SMLR1: variants seen among roughly 807,000 people sequenced by gnomAD.
The protein encoded by SMLR1 is small leucine rich protein 1.
In SMLR1, 3 loss-of-function variants were observed where a neutral mutation model predicts 6.1. The observed-to-expected ratio is 0.49, with a 90% CI of 0.22 to 1.28. SMLR1 has a LOEUF of 1.28. SMLR1 is among the 50% of genes most tolerant of loss of function. The probability of loss-of-function intolerance (pLI) is 0.19; values close to 1 mark genes in which losing one functional copy is unlikely to be tolerated. For synonymous variants in SMLR1, 55 were observed against 53.6 expected (o/e 1.03, Z -0.11); for missense variants, 126 against 124.8 (o/e 1.01, Z -0.05).
chr6:130,829,764 C>T (rs1774384802), intron 1 of SMLR1, among the ~76,000 whole-genome samples: 1 of 152,188 alleles, frequency 6.6e-6, no homozygotes, highest in South Asian at 2.1e-4. Context: ...TGCTACTGAG[C>T]TTTTCTTGAC....
In SMLR1 at chr6:130,835,121, CT is replaced by C; in HGVS notation, c.*167del. 1.6e-6 allele frequency: 1 copy of C among 608,214 alleles called. No homozygotes were observed. Among genetic ancestry groups the C allele is most frequent in the Non-Finnish European group, 2.9e-6 (1 of 347,166 alleles). The allele number at this position is 608,214 out of a possible 1,614,324, so 37.7% of individuals were successfully genotyped here. On this transcript the variant is annotated 3_prime_UTR_variant, in exon 2 of 2. Transcript: ENST00000541421. ...CATACTGAAAAGTGGCAGCTATTAT[CT>C]AAGGGGACTTCTCAGAGACTCAGTA... is the stretch of plus-strand genomic sequence containing the variant.
At chr6:130,834,412 T>C (rs1047383240) in intron 1 of SMLR1, among the ~76,000 whole-genome samples, 2 of 151,984 alleles carry the variant, frequency 1.3e-5, no homozygotes, top group Non-Finnish European at 2.9e-5. Flanking sequence ...TATTAAGGGG[T>C]TAAGGAATGA....
At chr6:130,832,773 C>A (rs1042824790) in intron 1 of SMLR1, among the ~76,000 whole-genome samples, 9 of 152,158 alleles carry the variant, frequency 5.9e-5, no homozygotes, top group Non-Finnish European at 1.3e-4. Flanking sequence ...CCCCTCTTCA[C>A]CGACGCACCA....
rs560160357 is a variant in SMLR1 at position 130,827,519 on chromosome 6, T to C, written c.106T>C (p.Leu36=). The change falls in exon 1 of 2, where the codon TTG becomes CTG. Residue 36 remains leucine (L), a synonymous_variant. Transcript: ENST00000541421. ...CATGGTCCCCGTGGGGTCTGTGTGG[T>C]TGGCAATGAGCTCTGTGCTGTCAGC... ...TPMVPVGSVW[L]AMSSVLSAFM... is the part of the protein sequence containing the mutation. 1.2e-5 allele frequency: 18 copies of C among 1,535,990 alleles called. No homozygotes were observed. The African/African-American group carries it at 2.3e-4, about 20-fold the overall frequency.
In SMLR1 at chr6:130,827,647, T is replaced by C; in HGVS notation, c.234T>C (p.Ile78=). The change falls in exon 1 of 2, where the codon ATT becomes ATC. Residue 78 remains isoleucine (I), a synonymous_variant. Transcript: ENST00000541421. ...TCGCCTACTTCAGGATCAAACTGAT[T>C]GAGGGTAAGTGTGAGGCCACACAAG... ...LLIAYFRIKL[I]EVNEELSQNC... is the part of the protein sequence containing the mutation. 6.5e-7 allele frequency: 1 copy of C among 1,535,568 alleles called. No individual in the cohort carries two copies. Among genetic ancestry groups the C allele is most frequent in the South Asian group, 1.2e-5 (1 of 84,038 alleles).
Position 130,829,338 on chromosome 6 carries a change from T to A in SMLR1, c.238+1687T>A, listed in dbSNP as rs17053471. Among the ~76,000 whole-genome samples, 2,215 of 152,322 alleles carry A rather than the reference T, an allele frequency of 0.015. 214 individuals carry two copies. In the East Asian group the frequency reaches 0.27, roughly 19 times the overall value. Reference sequence around the variant, plus strand: ...AGTTTTACTCATTCCTGGAAAAACATCTGTAATATGTAACATGTAAATGGG... The same window carrying A: ...AGTTTTACTCATTCCTGGAAAAACAACTGTAATATGTAACATGTAAATGGG... On this transcript the variant is annotated intron_variant, in intron 1 of 1. Transcript: ENST00000541421.
In SMLR1 at chr6:130,835,050, A is replaced by G; in HGVS notation, c.*95A>G. 1 of 950,562 alleles carries G rather than the reference A, an allele frequency of 1.1e-6. No homozygotes were observed. The highest frequency in any genetic ancestry group is 1.6e-6 in the Non-Finnish European group (1 of 620,278). The allele number at this position is 950,562 out of a possible 1,614,324, so 58.9% of individuals were successfully genotyped here. ...AGCTAATAAAGTAGGTTGATAAACT[A>G]GAACCATAGCAAAATAGAAAGAATA... On this transcript the variant is annotated 3_prime_UTR_variant, in exon 2 of 2. Coordinates refer to ENST00000541421, the MANE Select transcript of SMLR1 (RefSeq NM_001195597.2).
chr6:130,831,408 T>C (rs148540426), intron 1 of SMLR1, among the ~76,000 whole-genome samples: 1 of 152,188 alleles, frequency 6.6e-6, no homozygotes, highest in Non-Finnish European at 1.5e-5. Context: ...ACTATGGATA[T>C]TTTCGTTTTT....
chr6:130,834,069 G>A lies in SMLR1; in HGVS notation c.239-801G>A, dbSNP rs187216367. Among the ~76,000 whole-genome samples the A allele has an allele frequency of 2.9e-4, 44 of 152,266 alleles. No homozygotes were observed. The East Asian group carries it at 6.9e-3, about 24-fold the overall frequency. On this transcript the variant is annotated intron_variant, in intron 1 of 1. Transcript: ENST00000541421. The stretch of plus-strand genomic sequence containing the variant: ...TTTGAGGATGAAAGCAGGATCAGTT[G>A]TTCCTGGTTTCAGGAAGAGAGCTGT...
chr6:130,830,291 C>A (rs1774400858), intron 1 of SMLR1, among the ~76,000 whole-genome samples: 1 of 152,080 alleles, frequency 6.6e-6, no homozygotes, highest in Admixed American at 6.6e-5. Context: ...GGTTATGAGC[C>A]TCCATTTTCT....
intron 1 of SMLR1, among the ~76,000 whole-genome samples, chr6:130,829,374 T>C (rs1774373648): frequency 1.3e-5 from 2 of 152,200 alleles, no homozygotes; most frequent in Non-Finnish European, 2.9e-5. Context: ...TCTATGGTAT[T>C]TTATTTAGAT....
At chr6:130,834,834 T>G (rs1195731839) in intron 1 of SMLR1, 36 bp from the exon 2 acceptor site, 21 of 1,509,370 alleles carry the variant, frequency 1.4e-5, no homozygotes, top group Admixed American at 2.0e-5. Flanking sequence ...GGCACTCAGA[T>G]GTCTCCAAAT....
At chr6:130,830,149 T>G (rs1473117100) in intron 1 of SMLR1, among the ~76,000 whole-genome samples, 2 of 152,156 alleles carry the variant, frequency 1.3e-5, no homozygotes, top group African/African-American at 4.8e-5. Flanking sequence ...CAAATCTGTA[T>G]GTTTCTGATT....
rs1159414801 is a variant in SMLR1, at chr6:130,836,942, C to T, written c.*1987C>T. 1 of 152,196 alleles carries T rather than the reference C, an allele frequency of 6.6e-6. No homozygotes were observed. Among genetic ancestry groups the T allele is most frequent in the African/African-American group, 2.4e-5 (1 of 41,416 alleles). The allele number at this position is 152,196 out of a possible 1,614,324, so 9.4% of individuals were successfully genotyped here. A position where few individuals can be genotyped will look rare whatever the true frequency, so the allele number is the denominator to read the frequency against. ...CCAAGTCGGCAGTCTCCCTACATTA[C>T]CCTACATTCAGCTGCATCCTATGCT... On this transcript the variant is annotated 3_prime_UTR_variant, in exon 2 of 2. Transcript: ENST00000541421.
At chr6:130,833,840 T>G (rs1333921427) in intron 1 of SMLR1, among the ~76,000 whole-genome samples, 1 of 152,128 alleles carries the variant, frequency 6.6e-6, no homozygotes, top group Non-Finnish European at 1.5e-5. Flanking sequence ...GATAAGCATT[T>G]GTGTAGGCCT....
chr6:130,828,192 T>G (rs1774337747), intron 1 of SMLR1, among the ~76,000 whole-genome samples: 1 of 152,190 alleles, frequency 6.6e-6, no homozygotes, highest in South Asian at 2.1e-4. Context: ...GTGTAAACGT[T>G]CCATGGGATT....
Position 130,835,171 on chromosome 6 carries a change from CAAG to C in SMLR1, c.*219_*221del. The stretch of plus-strand genomic sequence containing the variant: ...TATAACAGCAGCTCTTGAAAAGTAC[CAAG>C]AATGGATTTCCTGGGTATATACACT... On this transcript the variant is annotated 3_prime_UTR_variant, in exon 2 of 2. Transcript: ENST00000541421. The C allele has an allele frequency of 1.9e-6, 1 of 536,634 alleles. No homozygotes were observed. Among genetic ancestry groups the C allele is most frequent in the South Asian group, 2.3e-5 (1 of 44,360 alleles). The allele number at this position is 536,634 out of a possible 1,614,324, so 33.2% of individuals were successfully genotyped here. A position where few individuals can be genotyped will look rare whatever the true frequency, so the allele number is the denominator to read the frequency against.
chr6:130,830,811 C>T (rs891244397), intron 1 of SMLR1, among the ~76,000 whole-genome samples: 2 of 152,168 alleles, frequency 1.3e-5, no homozygotes, highest in South Asian at 4.1e-4. Flanking sequence ...ACACTCCCAC[C>T]AGCACGACAG....
intron 1 of SMLR1, among the ~76,000 whole-genome samples, chr6:130,832,482 T>G (rs1774493258): frequency 6.6e-6 from 1 of 152,142 alleles, no homozygotes; most frequent in Non-Finnish European, 1.5e-5. Flanking sequence ...TTCGGCCTCC[T>G]GGTCTGTAAA....
Sources: allele counts gnomAD v4.1 joint callset (sites outside exome capture counted in the v4.1 genomes callset), GRCh38; gene constraint gnomAD v4.1.1; transcripts MANE v1.5; gene names NCBI Gene and HGNC (gene_info 2026-07-23, HGNC 2026-07-21).